Variants in DCDC2 observed in about 807,000 individuals in gnomAD.
DCDC2 encodes doublecortin domain-containing protein 2.
In DCDC2, 40 loss-of-function variants were observed where a neutral mutation model predicts 50.2. The observed-to-expected ratio is 0.80, with a 90% CI of 0.62 to 1.04. DCDC2 has a LOEUF of 1.04. Among genes scored for constraint, DCDC2 ranks in the 50% least tolerant of loss-of-function variants. The pLI, the probability that DCDC2 is intolerant of heterozygous loss-of-function variation, is 0.00. For synonymous variants in DCDC2, 234 were observed against 210.6 expected (o/e 1.11, Z -0.96); for missense variants, 570 against 581.9 (o/e 0.98, Z 0.21).
Position 24,319,425 on chromosome 6 carries a change from G to A in DCDC2, c.349-17381C>T, listed in dbSNP as rs367699772. 5.5e-4 allele frequency among the ~76,000 whole-genome samples: 83 copies of A among 152,046 alleles called. 1 individual carries two copies. The South Asian group carries it at 0.016, about 30-fold the overall frequency. On this transcript the variant is annotated intron_variant, in intron 2 of 9. Coordinates refer to ENST00000378454, the MANE Select transcript of DCDC2 (RefSeq NM_016356.5). ...CTTTGTTGATTATTTCTTTTGCTGTGTAGAAGTTTTTTAATTTAATTAAGT... is the reference window on the plus strand; with the variant it reads ...CTTTGTTGATTATTTCTTTTGCTGTATAGAAGTTTTTTAATTTAATTAAGT...
At chr6:24,203,221 C>T (rs1312505638) in intron 8 of DCDC2, among the ~76,000 whole-genome samples, 1 of 152,152 alleles carries the variant, frequency 6.6e-6, no homozygotes, top group Admixed American at 6.5e-5. Flanking sequence ...CATCATGCTA[C>T]CTGACTTCAA....
At chr6:24,361,041 A>T (rs1468871879), upstream of DCDC2, among the ~76,000 whole-genome samples, 1 of 152,198 alleles carries the variant, frequency 6.6e-6, no homozygotes, top group Non-Finnish European at 1.5e-5. Context: ...GTGAAAGATG[A>T]ATGTGTGGGA....
chr6:24,252,143 A>G (rs1762807050), intron 7 of DCDC2, among the ~76,000 whole-genome samples: 1 of 152,032 alleles, frequency 6.6e-6, no homozygotes, highest in Admixed American at 6.6e-5. Flanking sequence ...CAAATTCCCT[A>G]TTTCCCATCT....
At chr6:24,251,278 C>T (rs1004680128) in intron 7 of DCDC2, among the ~76,000 whole-genome samples, 1 of 152,184 alleles carries the variant, frequency 6.6e-6, no homozygotes, top group Non-Finnish European at 1.5e-5. Context: ...TAGCTTACTC[C>T]TTTAAAAGTG....
At chr6:24,302,092 C>T in intron 2 of DCDC2, 48 bp from the exon 3 acceptor site, 1 of 1,498,096 alleles carries the variant, frequency 6.7e-7, no homozygotes, top group South Asian at 1.2e-5. Context: ...CTTATATTAG[C>T]TTTTTTTTTC....
At chr6:24,310,012 T>G (rs1326824102) in intron 2 of DCDC2, among the ~76,000 whole-genome samples, 1 of 152,092 alleles carries the variant, frequency 6.6e-6, no homozygotes, top group Non-Finnish European at 1.5e-5. Context: ...TATGGGTAGG[T>G]TAAAACTATG....
chr6:24,372,957 G>A, the DCDC2 span, among the ~76,000 whole-genome samples: 2 of 152,062 alleles, frequency 1.3e-5, no homozygotes, highest in Non-Finnish European at 2.9e-5. Flanking sequence ...ATTTGAATAG[G>A]CTCTTAACAA....
At chr6:24,190,800 AT>A (rs1761297502) in intron 8 of DCDC2, among the ~76,000 whole-genome samples, 1 of 152,246 alleles carries the variant, frequency 6.6e-6, no homozygotes, top group South Asian at 2.1e-4. Context: ...ATATGATTCA[AT>A]AAGAGTATAT....
intron 7 of DCDC2, among the ~76,000 whole-genome samples, chr6:24,253,983 C>T (rs935601662): frequency 3.0e-4 from 45 of 152,118 alleles, no homozygotes; most frequent in Non-Finnish European, 8.8e-5. Flanking sequence ...ACACATTGTA[C>T]AGCTGTACAA....
chr6:24,236,318 A>G (rs1353799906), intron 7 of DCDC2, among the ~76,000 whole-genome samples: 1 of 152,208 alleles, frequency 6.6e-6, no homozygotes, highest in African/African-American at 2.4e-5. Flanking sequence ...ATCAGCAAAA[A>G]TAAGCAATGG....
In DCDC2 at chr6:24,174,594, C is replaced by T. The variant is rs1581566347; in HGVS notation, c.*136G>A. Reference sequence around the variant, plus strand: ...AAAGTTATCTGGTCTTTCCACTAGGCTTCTAATGTTATAATTCGTAGGTAG... The same window carrying T: ...AAAGTTATCTGGTCTTTCCACTAGGTTTCTAATGTTATAATTCGTAGGTAG... On this transcript the variant is annotated 3_prime_UTR_variant, in exon 10 of 10. Coordinates refer to ENST00000378454, the MANE Select transcript of DCDC2 (RefSeq NM_016356.5). 1.5e-5 allele frequency: 8 copies of T among 539,872 alleles called. No homozygotes were observed. In the East Asian group the frequency reaches 2.3e-4, roughly 15 times the overall value. The allele number at this position is 539,872 out of a possible 1,614,324, so 33.4% of individuals were successfully genotyped here. A position where few individuals can be genotyped will look rare whatever the true frequency, so the allele number is the denominator to read the frequency against.
At chr6:24,182,991 T>C (rs980251661) in intron 8 of DCDC2, among the ~76,000 whole-genome samples, 16 of 152,196 alleles carry the variant, frequency 1.1e-4, no homozygotes, top group African/African-American at 3.9e-4. Context: ...AAGAAAATTC[T>C]GATGCAAAAT....
At chr6:24,308,228 C>T (rs1759509111) in intron 2 of DCDC2, among the ~76,000 whole-genome samples, 1 of 152,230 alleles carries the variant, frequency 6.6e-6, no homozygotes, top group Non-Finnish European at 1.5e-5. Context: ...GTGGAAATAG[C>T]TAATAGCTGG....
chr6:24,262,772 C>T (rs911817483), intron 7 of DCDC2, among the ~76,000 whole-genome samples: 1 of 152,246 alleles, frequency 6.6e-6, no homozygotes. Context: ...AGGGAACCCA[C>T]CTTGGGCCAG....
intron 8 of DCDC2, among the ~76,000 whole-genome samples, chr6:24,188,622 T>C (rs184544264): frequency 1.3e-5 from 2 of 152,208 alleles, no homozygotes; most frequent in African/African-American, 2.4e-5. Context: ...AATTTTGTGA[T>C]GAAAATTTTT....
rs183750407 is a variant in DCDC2 at position 24,217,965 on chromosome 6, G to A, written c.923-12863C>T. 9.3e-4 allele frequency among the ~76,000 whole-genome samples: 142 copies of A among 152,226 alleles called. 2 individuals are homozygous for A. The highest frequency in any genetic ancestry group is 1.4e-3 in the East Asian group (7 of 5,184). Reference sequence around the variant, plus strand: ...AAAGGCAGATAAAAACAAATTTTCCGTAAGATACATTTCCCTGCAATATCT... The same window carrying A: ...AAAGGCAGATAAAAACAAATTTTCCATAAGATACATTTCCCTGCAATATCT... On this transcript the variant is annotated intron_variant, in intron 7 of 9. Coordinates refer to ENST00000378454, the MANE Select transcript of DCDC2 (RefSeq NM_016356.5).
intron 2 of DCDC2, among the ~76,000 whole-genome samples, chr6:24,338,821 T>A (rs992484228): frequency 1.3e-5 from 2 of 152,050 alleles, no homozygotes; most frequent in Non-Finnish European, 2.9e-5. Flanking sequence ...AATTTTTGTA[T>A]TTTTAGTAGA....
At chr6:24,363,832 C>G in the DCDC2 span, among the ~76,000 whole-genome samples, 2 of 152,172 alleles carry the variant, frequency 1.3e-5, no homozygotes, top group African/African-American at 4.8e-5. Context: ...CTCCACAGAA[C>G]AGTCATCCTG....
intron 7 of DCDC2, among the ~76,000 whole-genome samples, chr6:24,217,537 TGTGCAAATCA>T (rs1324375115): frequency 1.8e-4 from 28 of 152,314 alleles, no homozygotes; most frequent in Admixed American, 2.6e-4. Context: ...ACGGTGTAAA[TGTGCAAATCA>T]GTGCAAATCA....
Sources: allele counts gnomAD v4.1 joint callset (sites outside exome capture counted in the v4.1 genomes callset), GRCh38; gene constraint gnomAD v4.1.1; transcripts MANE v1.5; gene names NCBI Gene and HGNC (gene_info 2026-07-23, HGNC 2026-07-21).